SHROOM4: variants seen among roughly 807,000 people sequenced by gnomAD.
The protein encoded by SHROOM4 is protein Shroom4.
Under a neutral mutation model 80.3 loss-of-function variants are expected in SHROOM4, and 17 were observed. The ratio of observed to expected loss-of-function variants is 0.21; its 90% CI spans 0.14 to 0.32. The LOEUF (loss-of-function observed/expected upper bound fraction) is 0.32, where lower values mean the gene tolerates loss of function less well. Ranked by LOEUF, SHROOM4 falls within the 10% of genes least tolerant of loss-of-function variation. The pLI, the probability that SHROOM4 is intolerant of heterozygous loss-of-function variation, is 1.00. For synonymous variants in SHROOM4, 400 were observed against 437.5 expected, an observed-to-expected ratio of 0.91 and a Z score of 1.07; for missense variants, 993 against 1,140.3, an observed-to-expected ratio of 0.87 and a Z score of 1.86.
At chrX:50,806,341 G>C (rs1400958905) in intron 1 of SHROOM4, among the ~76,000 whole-genome samples, 2 of 112,451 alleles carry the variant, frequency 1.8e-5, no homozygotes, top group East Asian at 2.8e-4. Flanking sequence ...AAGTCATCTT[G>C]ACTTTTGCAA....
At chrX:50,719,332 A>G (rs1340153364) in intron 1 of SHROOM4, among the ~76,000 whole-genome samples, 1 of 110,779 alleles carries the variant, frequency 9.0e-6, no homozygotes, top group Non-Finnish European at 1.9e-5. Flanking sequence ...TTCAGATACA[A>G]TTTCAGGTCA....
intron 1 of SHROOM4, among the ~76,000 whole-genome samples, chrX:50,727,959 A>G (rs782100817): frequency 1.8e-5 from 2 of 112,177 alleles, no homozygotes; most frequent in South Asian, 7.5e-4. Flanking sequence ...TATTTGGAAC[A>G]GAATATGGAG....
chrX:50,598,149 C>T, intron 8 of SHROOM4, 117 bp downstream of exon 8: 6 of 1,033,456 alleles, frequency 5.8e-6, no homozygotes, highest in Non-Finnish European at 8.1e-6. Flanking sequence ...TCAGTGCTCA[C>T]ATGCTTTTAA....
At chrX:50,671,457 G>A (rs994427818) in intron 2 of SHROOM4, among the ~76,000 whole-genome samples, 1 of 112,006 alleles carries the variant, frequency 8.9e-6, no homozygotes, top group East Asian at 2.8e-4. Flanking sequence ...AGCCACCTTC[G>A]TCAATGATCT....
At chrX:50,628,241 G>A in intron 4 of SHROOM4, among the ~76,000 whole-genome samples, 1 of 111,250 alleles carries the variant, frequency 9.0e-6, no homozygotes, top group Non-Finnish European at 1.9e-5. Flanking sequence ...CTGCTGGCAG[G>A]GGCTGAGGTG....
Position 50,638,251 on chromosome X carries a change from T to A in SHROOM4, c.327A>T (p.Gly109=), listed in dbSNP as rs1557256517. Residue 109 remains glycine (G), a synonymous_variant, in exon 3 of 9, where the codon GGA becomes GGT. Transcript: ENST00000376020. Reference sequence around the variant, plus strand: ...GCATGGTGGTGGCTGCTTCAGGGCATCCCTCCAGCAGCTTGGCCACATGCC... The same window carrying A: ...GCATGGTGGTGGCTGCTTCAGGGCAACCCTCCAGCAGCTTGGCCACATGCC... ...HSWHVAKLLE[G]CPEAATTMHF... 8.3e-7 allele frequency: 1 copy of A among 1,211,034 alleles called. No homozygotes were observed. Among genetic ancestry groups the A allele is most frequent in the Non-Finnish European group, 1.1e-6 (1 of 895,159 alleles).
chrX:50,791,373 C>A (rs1171865247), intron 1 of SHROOM4, among the ~76,000 whole-genome samples: 1 of 109,972 alleles, frequency 9.1e-6, no homozygotes, highest in African/African-American at 3.3e-5. Context: ...GTCCATACTA[C>A]CCAAAGTGAT....
At chrX:50,659,384 T>C (rs1932419714) in intron 2 of SHROOM4, among the ~76,000 whole-genome samples, 1 of 111,207 alleles carries the variant, frequency 9.0e-6, no homozygotes, top group African/African-American at 3.3e-5. Flanking sequence ...GTAAAATCAG[T>C]TAGTCTTGGT....
chrX:50,600,658 T>A (rs1557247517), intron 7 of SHROOM4, among the ~76,000 whole-genome samples: 1 of 111,691 alleles, frequency 9.0e-6, no homozygotes, highest in Non-Finnish European at 1.9e-5. Flanking sequence ...TCTAGTAATT[T>A]AATTAGAGAT....
chrX:50,648,399 C>A (rs1931920211), intron 2 of SHROOM4, among the ~76,000 whole-genome samples: 1 of 111,931 alleles, frequency 8.9e-6, no homozygotes, highest in Admixed American at 9.5e-5. Context: ...ATTGTTTTGT[C>A]CAAGCATTTA....
chrX:50,756,082 C>G (rs1280445773), intron 1 of SHROOM4, among the ~76,000 whole-genome samples: 1 of 111,495 alleles, frequency 9.0e-6, no homozygotes, highest in Non-Finnish European at 1.9e-5. Context: ...GCAACCATCA[C>G]CACAATCTAA....
chrX:50,796,830 C>A (rs1208028347), intron 1 of SHROOM4, among the ~76,000 whole-genome samples: 1 of 110,311 alleles, frequency 9.1e-6, no homozygotes, highest in Non-Finnish European at 1.9e-5. Context: ...TAAGCAATGA[C>A]TCCATGATTT....
chrX:50,611,352 G>T (rs191169408), intron 5 of SHROOM4, among the ~76,000 whole-genome samples: 28 of 108,261 alleles, frequency 2.6e-4, no homozygotes, highest in Non-Finnish European at 4.6e-4. Flanking sequence ...GGGTTTCACC[G>T]TGTTAGCCAG....
At chrX:50,687,746 A>G (rs1933112545) in intron 2 of SHROOM4, among the ~76,000 whole-genome samples, 1 of 111,338 alleles carries the variant, frequency 9.0e-6, no homozygotes, top group Non-Finnish European at 1.9e-5. Flanking sequence ...CTTTTTGATC[A>G]GTGTACCCAA....
intron 1 of SHROOM4, among the ~76,000 whole-genome samples, chrX:50,751,060 G>C (rs1245217487): frequency 6.2e-5 from 7 of 112,251 alleles, no homozygotes; most frequent in Non-Finnish European, 1.3e-4. Flanking sequence ...CATACATATA[G>C]AAAATGCATT....
chrX:50,750,854 C>G (rs782085632), intron 1 of SHROOM4, among the ~76,000 whole-genome samples: 1 of 111,897 alleles, frequency 8.9e-6, no homozygotes. Context: ...AATAAAAGTT[C>G]TCTAACCATA....
chrX:50,722,827 C>T (rs1934150249), intron 1 of SHROOM4, among the ~76,000 whole-genome samples: 1 of 111,007 alleles, frequency 9.0e-6, no homozygotes, highest in South Asian at 3.9e-4. Context: ...TTTCTATCCT[C>T]CCTTTCCATC....
rs1007832864 is a variant in SHROOM4 at position 50,759,393 on chromosome X, C to T, written c.117+54509G>A. ...GACACCTTGATCTTATACTTTCAGTCTCCAGAAATGTGAGAAAATTGATTT... is the reference window on the plus strand; with the variant it reads ...GACACCTTGATCTTATACTTTCAGTTTCCAGAAATGTGAGAAAATTGATTT... On this transcript the variant is annotated intron_variant, in intron 1 of 8. Transcript: ENST00000376020. 3.6e-5 allele frequency among the ~76,000 whole-genome samples: 4 copies of T among 111,877 alleles called. No individual in the cohort carries two copies. The Admixed American group carries it at 3.8e-4, about 11-fold the overall frequency.
chrX:50,719,517 C>T (rs1324725571), intron 1 of SHROOM4, among the ~76,000 whole-genome samples: 1 of 111,740 alleles, frequency 8.9e-6, no homozygotes, highest in Non-Finnish European at 1.9e-5. Context: ...TAACCTCAAC[C>T]CCTTCTTCTT....
Sources: allele counts gnomAD v4.1 joint callset (sites outside exome capture counted in the v4.1 genomes callset), GRCh38; gene constraint gnomAD v4.1.1; transcripts MANE v1.5; gene names NCBI Gene and HGNC (gene_info 2026-07-23, HGNC 2026-07-21).